Variants in MRPL42 observed in about 807,000 individuals in gnomAD.
The protein encoded by MRPL42 is large ribosomal subunit protein mL42.
MRPL42 carries 17 observed loss-of-function variants against 17.9 expected under a neutral mutation model. That is an observed-to-expected ratio of 0.95 (90% CI 0.65 to 1.42). The LOEUF is 1.42. Ranked by LOEUF, MRPL42 falls within the 40% of genes most tolerant of loss-of-function variation. The pLI, the probability that MRPL42 is intolerant of heterozygous loss-of-function variation, is 0.00. For synonymous variants in MRPL42, 59 were observed against 54.4 expected, an observed-to-expected ratio of 1.08 and a Z score of -0.37; for missense variants, 177 against 175.2, an observed-to-expected ratio of 1.01 and a Z score of -0.06.
intron 5 of MRPL42, among the ~76,000 whole-genome samples, chr12:93,494,067 T>C (rs1953450855): frequency 7.1e-6 from 1 of 139,924 alleles, no homozygotes; most frequent in Non-Finnish European, 1.5e-5. Flanking sequence ...AGAGGCCATG[T>C]AGCCAGAATA....
At chr12:93,476,900 G>T in intron 2 of MRPL42, 54 bp from the exon 3 acceptor site, 1 of 1,480,462 alleles carries the variant, frequency 6.8e-7, no homozygotes, top group South Asian at 1.2e-5. Flanking sequence ...TAAATTTATG[G>T]AGAAAATATG....
In MRPL42 at chr12:93,509,773, A is replaced by G. The variant is rs567309605; in HGVS notation, c.*8552A>G. ...AACATAGTGAGATCCTCATCTCCTG[A>G]AAAAAAAAAAAAACTTTAGTTTTTA... On this transcript the variant is annotated 3_prime_UTR_variant, in exon 6 of 6. Transcript: ENST00000549982. 6 of 79,400 alleles carry G rather than the reference A, an allele frequency of 7.6e-5. No individual in the cohort carries two copies. The highest frequency in any genetic ancestry group is 3.7e-4 in the South Asian group (1 of 2,696). The allele number at this position is 79,400 out of a possible 1,614,324, so 4.9% of individuals were successfully genotyped here.
intron 4 of MRPL42, among the ~76,000 whole-genome samples, chr12:93,485,287 T>C (rs1403842712): frequency 6.6e-6 from 1 of 151,028 alleles, no homozygotes; most frequent in East Asian, 2.0e-4. Context: ...TTCAGCCTCC[T>C]GAGTAGCCGG....
chr12:93,485,880 C>T (rs1880718350), intron 4 of MRPL42, among the ~76,000 whole-genome samples: 1 of 152,132 alleles, frequency 6.6e-6, no homozygotes, highest in Non-Finnish European at 1.5e-5. Flanking sequence ...AGTCATGGCT[C>T]ACTGCAGCCT....
intron 5 of MRPL42, among the ~76,000 whole-genome samples, chr12:93,489,314 G>A (rs1451226540): frequency 3.9e-5 from 6 of 151,974 alleles, no homozygotes; most frequent in African/African-American, 9.7e-5. Context: ...CTAATAGGTT[G>A]GGTTATGGCA....
intron 4 of MRPL42, among the ~76,000 whole-genome samples, chr12:93,485,661 TTACA>T (rs1369462970): frequency 4.6e-5 from 7 of 152,216 alleles, no homozygotes; most frequent in African/African-American, 1.7e-4. Context: ...TACAATCTTG[TTACA>T]TATATATTAT....
chr12:93,479,511 G>A (rs751897941), intron 4 of MRPL42, 39 bp downstream of exon 4: 1 of 1,410,936 alleles, frequency 7.1e-7, no homozygotes, highest in Admixed American at 1.8e-5. Flanking sequence ...TTAATTTGCT[G>A]TTAGAAATGT....
Position 93,515,144 on chromosome 12 carries a change from A to AT in MRPL42, c.*13928dup, listed in dbSNP as rs1259230275. ...ACAGCTGGTAATGTAACCAAAGAAG[A>AT]TTTTTGGCAGGGGATGATGCATTCA... On this transcript the variant is annotated 3_prime_UTR_variant, in exon 6 of 6. Transcript: ENST00000549982. The AT allele has an allele frequency of 6.6e-6, 1 of 152,140 alleles. No individual in the cohort carries two copies. The highest frequency in any genetic ancestry group is 1.5e-5 in the Non-Finnish European group (1 of 68,036). 9.4% of individuals were successfully genotyped at this position (152,140 alleles called of 1,614,324 possible). A position where few individuals can be genotyped will look rare whatever the true frequency, so the allele number is the denominator to read the frequency against.
chr12:93,472,520 C>T (rs914019551), intron 2 of MRPL42, among the ~76,000 whole-genome samples: 9 of 151,952 alleles, frequency 5.9e-5, no homozygotes, highest in Admixed American at 1.3e-4. Context: ...CCCAGGAGTT[C>T]GAGGCTGTGA....
At chr12:93,484,461 C>T (rs780653016) in intron 4 of MRPL42, among the ~76,000 whole-genome samples, 1 of 152,078 alleles carries the variant, frequency 6.6e-6, no homozygotes, top group Non-Finnish European at 1.5e-5. Flanking sequence ...TACATTGGCA[C>T]CACCACAAAC....
At chr12:93,478,910 TTTTATTTATTTA>T (rs142505304) in intron 3 of MRPL42, among the ~76,000 whole-genome samples, 25 of 91,490 alleles carry the variant, frequency 2.7e-4, no homozygotes, top group East Asian at 2.1e-3. Context: ...TAATTTTAGC[TTTTATTTATTTA>T]TTTATTTATT....
chr12:93,507,075 A>G lies in MRPL42; in HGVS notation c.*5854A>G, dbSNP rs1953679138. On this transcript the variant is annotated 3_prime_UTR_variant, in exon 6 of 6. Coordinates refer to ENST00000549982, the MANE Select transcript of MRPL42 (RefSeq NM_014050.4). ...ACATCTTATATGTATATTTATGCATATACATACTGATGAAATGTGCCTTTA... is the reference window on the plus strand; with the variant it reads ...ACATCTTATATGTATATTTATGCATGTACATACTGATGAAATGTGCCTTTA... The G allele has an allele frequency of 6.6e-6, 1 of 152,218 alleles. No homozygotes were observed. Among genetic ancestry groups the G allele is most frequent in the South Asian group, 2.1e-4 (1 of 4,826 alleles). The allele number at this position is 152,218 out of a possible 1,614,324, so 9.4% of individuals were successfully genotyped here.
chr12:93,476,828 C>G, intron 2 of MRPL42, 126 bp from the exon 3 acceptor site: 4 of 803,726 alleles, frequency 5.0e-6, no homozygotes. Context: ...GAATCCCTAG[C>G]CCCTAGCACA....
chr12:93,485,017 T>TAC (rs1330828958), intron 4 of MRPL42, among the ~76,000 whole-genome samples: 65 of 63,960 alleles, frequency 1.0e-3, no homozygotes, highest in African/African-American at 5.2e-3. Context: ...TATATATATA[T>TAC]ATATATATAT....
intron 4 of MRPL42, among the ~76,000 whole-genome samples, chr12:93,485,019 T>TATATACACACAC (rs1880669219): frequency 2.3e-5 from 1 of 43,708 alleles, no homozygotes; most frequent in African/African-American, 9.7e-5. Flanking sequence ...TATATATATA[T>TATATACACACAC]ATATATATAA....
At position 93,487,971 on chromosome 12, in the gene MRPL42, C is replaced by CT. The variant is rs35810496; in HGVS notation, c.383+326dup. The CT allele has an allele frequency of 4.4e-3, 796 of 179,350 alleles. 1 individual carries two copies. The highest frequency in any genetic ancestry group is 0.015 in the East Asian group (120 of 8,022). The allele number at this position is 179,350 out of a possible 1,614,324, so 11.1% of individuals were successfully genotyped here. A position where few individuals can be genotyped will look rare whatever the true frequency, so the allele number is the denominator to read the frequency against. ...GCCACCACACCTGGCTAATTTTGTT[C>CT]TTTTTTTTTTTTTTTGAGACAAAGA... On this transcript the variant is annotated intron_variant, in intron 5 of 5. Transcript: ENST00000549982.
intron 2 of MRPL42, among the ~76,000 whole-genome samples, chr12:93,475,536 G>A (rs1247808681): frequency 6.6e-6 from 1 of 152,184 alleles, no homozygotes; most frequent in African/African-American, 2.4e-5. Flanking sequence ...TATATCACAG[G>A]AACAAGAGGC....
intron 1 of MRPL42, 24 bp from the exon 2 acceptor site, chr12:93,469,168 G>A: frequency 1.4e-6 from 1 of 714,140 alleles, no homozygotes; most frequent in Non-Finnish European, 2.3e-6. Context: ...AGGTAGCACT[G>A]ATTTTTCTTT....
rs1953682064 is a variant in MRPL42, at chr12:93,507,358, C to T, written c.*6137C>T. On this transcript the variant is annotated 3_prime_UTR_variant, in exon 6 of 6. Transcript: ENST00000549982. ...GAAATAACTCCTTACTTGTCAGTTTCAGCCTTCACTTTTAGTTTCTTTTTC... is the reference window on the plus strand; with the variant it reads ...GAAATAACTCCTTACTTGTCAGTTTTAGCCTTCACTTTTAGTTTCTTTTTC... 6.6e-6 allele frequency: 1 copy of T among 152,236 alleles called. No homozygotes were observed. Among genetic ancestry groups the T allele is most frequent in the Non-Finnish European group, 1.5e-5 (1 of 68,046 alleles). 9.4% of individuals were successfully genotyped at this position (152,236 alleles called of 1,614,324 possible). A position where few individuals can be genotyped will look rare whatever the true frequency, so the allele number is the denominator to read the frequency against.
Sources: allele counts gnomAD v4.1 joint callset (sites outside exome capture counted in the v4.1 genomes callset), GRCh38; gene constraint gnomAD v4.1.1; transcripts MANE v1.5; gene names NCBI Gene and HGNC (gene_info 2026-07-23, HGNC 2026-07-21).